ZNF385B: variants seen among roughly 807,000 people sequenced by gnomAD.
The protein encoded by ZNF385B is zinc finger protein 385B.
Under a neutral mutation model 39.2 loss-of-function variants are expected in ZNF385B, and 23 were observed. That is an observed-to-expected ratio of 0.59 (90% CI 0.42 to 0.83). The LOEUF is 0.83. ZNF385B is among the 40% of genes least tolerant of loss of function. The pLI is 0.00. For missense variants in ZNF385B, 552 were observed against 598.9 expected (o/e 0.92, Z 0.82); for synonymous variants, 205 against 222.6 (o/e 0.92, Z 0.70).
chr2:179,615,998 G>A (rs913887284), intron 3 of ZNF385B, among the ~76,000 whole-genome samples: 5 of 152,124 alleles, frequency 3.3e-5, no homozygotes, highest in African/African-American at 1.2e-4. Flanking sequence ...TTAAAAGGAC[G>A]ATAGCATATA....
intron 3 of ZNF385B, among the ~76,000 whole-genome samples, chr2:179,757,158 T>C: frequency 6.6e-6 from 1 of 152,234 alleles, no homozygotes; most frequent in Non-Finnish European, 1.5e-5. Context: ...ATGTCCTTTC[T>C]GTTTGTTAGT....
chr2:179,492,127 T>G (rs2055302073), intron 5 of ZNF385B, among the ~76,000 whole-genome samples: 1 of 152,216 alleles, frequency 6.6e-6, no homozygotes, highest in South Asian at 2.1e-4. Flanking sequence ...ATTCACATCT[T>G]ATTTTAAACT....
intron 3 of ZNF385B, among the ~76,000 whole-genome samples, chr2:179,684,332 G>A (rs940189011): frequency 5.3e-5 from 8 of 152,120 alleles, no homozygotes; most frequent in African/African-American, 7.2e-5. Flanking sequence ...TCCTGTTGAG[G>A]TAAACAATTA....
intron 3 of ZNF385B, among the ~76,000 whole-genome samples, chr2:179,684,056 A>C (rs1429818111): frequency 6.6e-6 from 1 of 152,146 alleles, no homozygotes; most frequent in Non-Finnish European, 1.5e-5. Flanking sequence ...TGAAAGATGG[A>C]CCTTGGAGCC....
chr2:179,590,964 G>A (rs1054325842), intron 3 of ZNF385B, among the ~76,000 whole-genome samples: 3 of 152,056 alleles, frequency 2.0e-5, no homozygotes, highest in African/African-American at 7.2e-5. Context: ...CTAATACACT[G>A]ACCTACATTT....
chr2:179,494,655 TA>T (rs905201070), intron 5 of ZNF385B, among the ~76,000 whole-genome samples: 41 of 147,392 alleles, frequency 2.8e-4, no homozygotes, highest in South Asian at 1.3e-3. Flanking sequence ...GTTAAAAGTA[TA>T]AAAAAAAAAG....
At chr2:179,573,845 A>AT (rs1255594639) in intron 3 of ZNF385B, among the ~76,000 whole-genome samples, 1 of 152,002 alleles carries the variant, frequency 6.6e-6, no homozygotes, top group African/African-American at 2.4e-5. Flanking sequence ...TAAAGTCTTA[A>AT]TTTTTTTTAC....
At chr2:179,828,721 G>A (rs1001511970) in intron 1 of ZNF385B, among the ~76,000 whole-genome samples, 18 of 152,082 alleles carry the variant, frequency 1.2e-4, no homozygotes, top group African/African-American at 4.1e-4. Flanking sequence ...CTTTAAACAG[G>A]CCTATGTAAC....
chr2:179,688,309 T>C (rs991572755), intron 3 of ZNF385B, among the ~76,000 whole-genome samples: 1 of 152,066 alleles, frequency 6.6e-6, no homozygotes, highest in African/African-American at 2.4e-5. Context: ...CTTTTCAGAA[T>C]ATTCAAGGAA....
chr2:179,769,442 A>C, intron 3 of ZNF385B, 61 bp downstream of exon 3: 1 of 1,591,770 alleles, frequency 6.3e-7, no homozygotes, highest in Non-Finnish European at 8.6e-7. Flanking sequence ...TAAATCCTTC[A>C]TTTTCCAGAC....
intron 3 of ZNF385B, among the ~76,000 whole-genome samples, chr2:179,549,018 G>A (rs1369481916): frequency 6.7e-6 from 1 of 148,796 alleles, no homozygotes; most frequent in Admixed American, 6.7e-5. Flanking sequence ...TTATCTTTAG[G>A]TTTCTCTATT....
Position 179,705,684 on chromosome 2 carries a change from T to C in ZNF385B, c.298+63819A>G, listed in dbSNP as rs151292582. Among the ~76,000 whole-genome samples the C allele has an allele frequency of 1.1e-3, 162 of 152,350 alleles. 2 individuals are homozygous for C. Among genetic ancestry groups the C allele is most frequent in the African/African-American group, 3.8e-3 (159 of 41,582 alleles). ...ACCTCAGTAAGAGAAATGAAGAAGA[T>C]GAAACCGACCAAGGGTTAGCACACT... On this transcript the variant is annotated intron_variant, in intron 3 of 9. Coordinates refer to ENST00000410066, the MANE Select transcript of ZNF385B (RefSeq NM_152520.6).
chr2:179,563,282 A>G (rs1263367658), intron 3 of ZNF385B, among the ~76,000 whole-genome samples: 2 of 152,190 alleles, frequency 1.3e-5, no homozygotes, highest in African/African-American at 4.8e-5. Context: ...TGATATATCC[A>G]TGTTACACAG....
intron 3 of ZNF385B, among the ~76,000 whole-genome samples, chr2:179,651,995 C>G (rs994790421): frequency 6.6e-6 from 1 of 151,946 alleles, no homozygotes; most frequent in Non-Finnish European, 1.5e-5. Context: ...AATTGTGTGC[C>G]AAAACTGTAC....
intron 3 of ZNF385B, among the ~76,000 whole-genome samples, chr2:179,747,048 C>G (rs1702423947): frequency 6.6e-6 from 1 of 152,134 alleles, no homozygotes; most frequent in Admixed American, 6.6e-5. Context: ...GAAGGCCAGA[C>G]AAACTAGAAT....
chr2:179,823,141 A>G (rs1707497880), intron 1 of ZNF385B, among the ~76,000 whole-genome samples: 1 of 152,164 alleles, frequency 6.6e-6, no homozygotes, highest in South Asian at 2.1e-4. Flanking sequence ...CCTTGATTCC[A>G]TGAGTGAGAT....
intron 3 of ZNF385B, among the ~76,000 whole-genome samples, chr2:179,608,017 C>A (rs140461130): frequency 1.4e-5 from 2 of 147,700 alleles, no homozygotes; most frequent in African/African-American, 5.0e-5. Context: ...TGGGTTTGAG[C>A]GATTCTCCTG....
At chr2:179,466,824 G>A (rs1380836494) in intron 6 of ZNF385B, among the ~76,000 whole-genome samples, 2 of 146,584 alleles carry the variant, frequency 1.4e-5, no homozygotes, top group African/African-American at 5.0e-5. Context: ...GGGAGGCTGA[G>A]GCAGAAGAAT....
At chr2:179,574,386 T>C (rs13405069) in intron 3 of ZNF385B, among the ~76,000 whole-genome samples, 34,591 of 152,142 alleles carry the variant, frequency 0.23, 4,007 homozygotes, top group Non-Finnish European at 0.24. Context: ...TAGGAGCCAG[T>C]GCAAACAACA....
Sources: allele counts gnomAD v4.1 joint callset (sites outside exome capture counted in the v4.1 genomes callset), GRCh38; gene constraint gnomAD v4.1.1; transcripts MANE v1.5; gene names NCBI Gene and HGNC (gene_info 2026-07-23, HGNC 2026-07-21).